ORC4: variants seen among roughly 807,000 people sequenced by gnomAD.
ORC4 encodes origin recognition complex subunit 4.
In ORC4, 55 loss-of-function variants were observed where a neutral mutation model predicts 63.9. The observed-to-expected ratio is 0.86, with a 90% confidence interval of 0.69 to 1.08. ORC4 has a LOEUF of 1.08. Among genes scored for constraint, ORC4 ranks in the 50% least tolerant of loss-of-function variants. ORC4 has a pLI of 0.00. For synonymous variants in ORC4, 150 were observed against 168.5 expected, an observed-to-expected ratio of 0.89 and a Z score of 0.85; for missense variants, 511 against 504.4, an observed-to-expected ratio of 1.01 and a Z score of -0.13.
intron 4 of ORC4, 58 bp downstream of exon 4, chr2:147,972,681 C>A: frequency 1.2e-6 from 1 of 866,274 alleles, no homozygotes; most frequent in Non-Finnish European, 1.8e-6. Flanking sequence ...TTTATTTATT[C>A]TTATATAAAA....
At chr2:147,977,712 C>T (rs1198904836) in intron 1 of ORC4, among the ~76,000 whole-genome samples, 6 of 152,248 alleles carry the variant, frequency 3.9e-5, no homozygotes, top group South Asian at 4.1e-4. Flanking sequence ...GGTCCCTTGG[C>T]GGACTGGACT....
chr2:147,958,308 T>C lies in ORC4; in HGVS notation c.377A>G (p.Asp126Gly). Residue 126 changes from aspartate to glycine, a missense_variant, in exon 6 of 14, where the codon GAT becomes GGT. By Grantham distance (94) the Asp-to-Gly change is moderately conservative. Coordinates refer to ENST00000392857, the MANE Select transcript of ORC4 (RefSeq NM_181741.4). ...TGAAATGATACTTACAAAAACTTTA[T>C]CTCCAACTACATTTTCCAGATTTAA... Reference protein sequence around the residue: ...RQLNLENVVGDKVFGSFAENL... With the variant: ...RQLNLENVVGGKVFGSFAENL... 1.9e-6 allele frequency: 3 copies of C among 1,606,018 alleles called. No homozygotes were observed. Among genetic ancestry groups the C allele is most frequent in the South Asian group, 1.1e-5 (1 of 90,802 alleles).
chr2:148,014,809 T>C (rs1021816489), intron 1 of ORC4, among the ~76,000 whole-genome samples: 1 of 152,108 alleles, frequency 6.6e-6, no homozygotes, highest in East Asian at 1.9e-4. Context: ...TGGGAGGATG[T>C]GTGTAGGCCG....
intron 4 of ORC4, among the ~76,000 whole-genome samples, chr2:147,967,752 TC>T (rs1689979229): frequency 6.6e-6 from 1 of 151,934 alleles, no homozygotes; most frequent in Non-Finnish European, 1.5e-5. Context: ...TCAATGATAT[TC>T]CTATCATAAC....
chr2:148,004,467 C>A (rs1692502397), intron 1 of ORC4, among the ~76,000 whole-genome samples: 1 of 152,122 alleles, frequency 6.6e-6, no homozygotes, highest in African/African-American at 2.4e-5. Flanking sequence ...CATACATCAA[C>A]AACAACCATC....
Position 147,975,914 on chromosome 2 carries a change from C to T in ORC4, c.45G>A (p.Glu15=), listed in dbSNP as rs898350511. ...KSKSNSLIHT[E]CLSQVQRILR... is the part of the protein sequence containing the mutation. Reference sequence around the variant, plus strand: ...AATACATACTAACCTGTGAAAGGCACTCTGTGTGAATTAAGCTGTTACTCT... The same window carrying T: ...AATACATACTAACCTGTGAAAGGCATTCTGTGTGAATTAAGCTGTTACTCT... Residue 15 remains glutamate (E), a synonymous_variant, in exon 2 of 14, where the codon GAG becomes GAA. Coordinates refer to ENST00000392857, the MANE Select transcript of ORC4 (RefSeq NM_181741.4). 9.5e-6 allele frequency: 15 copies of T among 1,578,106 alleles called. No individual in the cohort carries two copies. Among genetic ancestry groups the T allele is most frequent in the South Asian group, 4.4e-5 (4 of 90,384 alleles).
chr2:148,013,225 C>T (rs1306509092), intron 1 of ORC4, among the ~76,000 whole-genome samples: 1 of 151,926 alleles, frequency 6.6e-6, no homozygotes, highest in Non-Finnish European at 1.5e-5. Context: ...GGTACATATA[C>T]ACAATGGAAT....
intron 4 of ORC4, among the ~76,000 whole-genome samples, chr2:147,959,688 A>G (rs549575947): frequency 9.9e-5 from 15 of 152,266 alleles, no homozygotes; most frequent in African/African-American, 3.1e-4. Context: ...TTTAAATTAC[A>G]TATGTTTCAT....
intron 4 of ORC4, among the ~76,000 whole-genome samples, chr2:147,967,116 AAC>A (rs1000267768): frequency 3.4e-4 from 52 of 152,094 alleles, no homozygotes; most frequent in African/African-American, 1.2e-3. Flanking sequence ...TGCAGAAAAA[AAC>A]ACGTGATAAA....
Position 147,939,258 on chromosome 2 carries a change from G to C in ORC4, c.850-10C>G, listed in dbSNP as rs768094160. The C allele has an allele frequency of 1.3e-6, 2 of 1,564,672 alleles. No individual in the cohort carries two copies. Among genetic ancestry groups the C allele is most frequent in the South Asian group, 2.2e-5 (2 of 90,062 alleles). ...GATTTAAAGCAAGCATCTAGGGAAAGACAGATCAGAAAAACAATTACGTAT... is the reference window on the plus strand; with the variant it reads ...GATTTAAAGCAAGCATCTAGGGAAACACAGATCAGAAAAACAATTACGTAT... On this transcript the variant is annotated splice_polypyrimidine_tract_variant and intron_variant, in intron 10 of 13. Coordinates refer to ENST00000392857, the MANE Select transcript of ORC4 (RefSeq NM_181741.4).
chr2:147,988,291 A>C (rs2105390894), intron 1 of ORC4, among the ~76,000 whole-genome samples: 2 of 152,196 alleles, frequency 1.3e-5, no homozygotes, highest in East Asian at 3.9e-4. Context: ...ATTTACTGTC[A>C]GCTCATTAAT....
In ORC4 at chr2:147,970,743, A is replaced by T. The variant is rs76623915; in HGVS notation, c.225+1996T>A. 1.9e-3 allele frequency among the ~76,000 whole-genome samples: 292 copies of T among 152,296 alleles called. 9 individuals carry two copies. The East Asian group carries it at 0.054, about 28-fold the overall frequency. ...ATAAAGCTTGTAGAAGATACATAGG[A>T]AAAAATCTACATGACTTTCGGTTTG... is the stretch of plus-strand genomic sequence containing the variant. On this transcript the variant is annotated intron_variant, in intron 4 of 13. Transcript: ENST00000392857.
At chr2:147,946,327 T>G (rs928282837) in intron 9 of ORC4, among the ~76,000 whole-genome samples, 3 of 151,816 alleles carry the variant, frequency 2.0e-5, no homozygotes, top group African/African-American at 7.3e-5. Flanking sequence ...GTACAGACAT[T>G]TAAATACTAT....
chr2:148,015,307 ATTTTTTTTTTT>A (rs1158861758), intron 1 of ORC4, among the ~76,000 whole-genome samples: 5 of 92,290 alleles, frequency 5.4e-5, no homozygotes, highest in African/African-American at 1.3e-4. Flanking sequence ...TGATATTGGA[ATTTTTTTTTTT>A]TTTTTTTTTT....
At chr2:147,998,288 G>T (rs1363851706) in intron 1 of ORC4, among the ~76,000 whole-genome samples, 1 of 152,148 alleles carries the variant, frequency 6.6e-6, no homozygotes, top group African/African-American at 2.4e-5. Flanking sequence ...TTTGGATTTG[G>T]TTTCTTTATC....
intron 6 of ORC4, among the ~76,000 whole-genome samples, chr2:147,957,321 T>C (rs924860235): frequency 6.6e-6 from 1 of 150,906 alleles, no homozygotes; most frequent in Non-Finnish European, 1.5e-5. Flanking sequence ...TCATAAATGC[T>C]AGGAGTCTTA....
chr2:147,981,198 G>A (rs941524206), intron 1 of ORC4, among the ~76,000 whole-genome samples: 2 of 152,016 alleles, frequency 1.3e-5, no homozygotes, highest in South Asian at 2.1e-4. Flanking sequence ...GGCGCCCCTC[G>A]CATGTCTGAA....
intron 6 of ORC4, among the ~76,000 whole-genome samples, chr2:147,956,471 C>T (rs1399009683): frequency 6.6e-6 from 1 of 151,914 alleles, no homozygotes; most frequent in East Asian, 1.9e-4. Flanking sequence ...GTATAATATA[C>T]ATATATATGT....
At chr2:147,979,303 CA>C (rs1690732125) in intron 1 of ORC4, among the ~76,000 whole-genome samples, 1 of 151,996 alleles carries the variant, frequency 6.6e-6, no homozygotes, top group Non-Finnish European at 1.5e-5. Flanking sequence ...AAGATTTCTC[CA>C]CACTAATAAC....
Sources: gnomAD v4.1 joint callset for allele counts (sites outside exome capture counted in the v4.1 genomes callset) on GRCh38, gnomAD v4.1.1 for gene constraint, MANE v1.5 for transcripts, NCBI Gene and HGNC (gene_info 2026-07-23, HGNC 2026-07-21) for gene names.